The following TENM1 variants were observed in gnomAD, a reference collection of about 807,000 sequenced individuals.
TENM1 encodes teneurin-1.
TENM1 carries 35 observed loss-of-function variants against 174.8 expected under a neutral mutation model. The ratio of observed to expected loss-of-function variants is 0.20; its 90% CI spans 0.15 to 0.27. TENM1 has a LOEUF of 0.27. TENM1 is among the 10% of genes least tolerant of loss of function. TENM1 has a pLI of 1.00. For synonymous variants in TENM1, 781 were observed against 798.7 expected, an observed-to-expected ratio of 0.98 and a Z score of 0.37; for missense variants, 1,633 against 2,130.1, an observed-to-expected ratio of 0.77 and a Z score of 4.59.
intron 15 of TENM1, among the ~76,000 whole-genome samples, chrX:124,535,388 C>G (rs2048185699): frequency 9.0e-6 from 1 of 111,221 alleles, no homozygotes; most frequent in Non-Finnish European, 1.9e-5. Context: ...TGAAATCTGT[C>G]AGGCATGAAT....
At chrX:124,513,908 G>A (rs1333478417) in intron 18 of TENM1, among the ~76,000 whole-genome samples, 1 of 111,356 alleles carries the variant, frequency 9.0e-6, no homozygotes, top group Non-Finnish European at 1.9e-5. Context: ...TGGATCTTTT[G>A]GAAACATTAT....
Position 124,438,986 on chromosome X carries a change from T to C in TENM1, c.4104+14351A>G, listed in dbSNP as rs764542616. On this transcript the variant is annotated intron_variant, in intron 23 of 31. Transcript: ENST00000422452. ...TGTTAAATTTGGTTTTTTTTATATATATAATAGACTTAAGAAAACTGATAG... is the reference window on the plus strand; with the variant it reads ...TGTTAAATTTGGTTTTTTTTATATACATAATAGACTTAAGAAAACTGATAG... Among the ~76,000 whole-genome samples the C allele has an allele frequency of 7.9e-4, 88 of 111,987 alleles. 1 individual carries two copies. Among genetic ancestry groups the C allele is most frequent in the Non-Finnish European group, 6.8e-4 (36 of 53,220 alleles).
chrX:125,153,578 T>G, the TENM1 span, among the ~76,000 whole-genome samples: 1 of 112,441 alleles, frequency 8.9e-6, no homozygotes, highest in South Asian at 3.7e-4. Flanking sequence ...CATAAAGTAC[T>G]TCCTTACTGG....
At chrX:125,146,765 TC>T in the TENM1 span, among the ~76,000 whole-genome samples, 2 of 111,147 alleles carry the variant, frequency 1.8e-5, no homozygotes, top group African/African-American at 6.5e-5. Flanking sequence ...TGTTTTTGCC[TC>T]CCCAATGCCC....
At chrX:125,028,081 T>A in the TENM1 span, among the ~76,000 whole-genome samples, 1 of 111,840 alleles carries the variant, frequency 8.9e-6, no homozygotes, top group Non-Finnish European at 1.9e-5. Flanking sequence ...ATATTCATGC[T>A]CTTCGACCCA....
chrX:124,421,861 C>G (rs976044966), intron 24 of TENM1, among the ~76,000 whole-genome samples: 2 of 111,560 alleles, frequency 1.8e-5, no homozygotes, highest in African/African-American at 6.5e-5. Context: ...CTCAGCTAAA[C>G]CAGTAAATGT....
intron 1 of TENM1, among the ~76,000 whole-genome samples, chrX:124,925,929 G>T (rs1009222336): frequency 8.9e-6 from 1 of 112,217 alleles, no homozygotes; most frequent in Non-Finnish European, 1.9e-5. Context: ...GCTTCAGCTG[G>T]TTTCTGCCCT....
At chrX:124,539,633 AT>A (rs907686620) in intron 15 of TENM1, among the ~76,000 whole-genome samples, 4 of 108,405 alleles carry the variant, frequency 3.7e-5, no homozygotes, top group African/African-American at 6.7e-5. Context: ...GTTAATGGGG[AT>A]TTTTTTTTCA....
chrX:124,477,176 A>G (rs1421361430), intron 22 of TENM1, among the ~76,000 whole-genome samples: 2 of 106,451 alleles, frequency 1.9e-5, no homozygotes, highest in African/African-American at 7.8e-5. Context: ...GTGTCCCTTA[A>G]GGAAAATTTG....
At chrX:125,013,407 A>G in the TENM1 span, among the ~76,000 whole-genome samples, 1 of 111,960 alleles carries the variant, frequency 8.9e-6, no homozygotes, top group Non-Finnish European at 1.9e-5. Flanking sequence ...CTTAGTATTT[A>G]ATTTTAATAG....
At chrX:124,405,485 G>A (rs1386007038) in intron 26 of TENM1, among the ~76,000 whole-genome samples, 1 of 111,492 alleles carries the variant, frequency 9.0e-6, no homozygotes, top group Non-Finnish European at 1.9e-5. Context: ...CTGTTTCTTG[G>A]ATAAAAGACT....
chrX:124,906,281 AT>A (rs1221039389), intron 1 of TENM1, among the ~76,000 whole-genome samples: 1 of 111,858 alleles, frequency 8.9e-6, no homozygotes, highest in African/African-American at 3.2e-5. Flanking sequence ...TACTCAAAGT[AT>A]TTTTTCTGCT....
intron 4 of TENM1, among the ~76,000 whole-genome samples, chrX:124,718,043 C>G (rs1219696314): frequency 8.9e-6 from 1 of 112,463 alleles, no homozygotes; most frequent in Non-Finnish European, 1.9e-5. Context: ...CTACAATGCC[C>G]TCTATACTTC....
intron 5 of TENM1, among the ~76,000 whole-genome samples, chrX:124,693,087 G>T (rs1426960037): frequency 4.6e-5 from 5 of 107,661 alleles, no homozygotes; most frequent in Middle Eastern, 4.8e-3. Flanking sequence ...CTGTTGTCAA[G>T]ATGTCTAATT....
intron 3 of TENM1, among the ~76,000 whole-genome samples, chrX:124,780,105 A>T (rs2054874830): frequency 8.9e-6 from 1 of 112,078 alleles, no homozygotes; most frequent in Non-Finnish European, 1.9e-5. Flanking sequence ...TCTAAATTAC[A>T]ATATACTTAT....
the TENM1 span, among the ~76,000 whole-genome samples, chrX:124,992,479 C>T: frequency 1.8e-5 from 2 of 111,620 alleles, no homozygotes; most frequent in Non-Finnish European, 3.8e-5. Context: ...AACTAGAACC[C>T]CTGTTCTCCA....
the TENM1 span, among the ~76,000 whole-genome samples, chrX:125,085,201 C>T: frequency 9.1e-6 from 1 of 110,352 alleles, no homozygotes; most frequent in Non-Finnish European, 1.9e-5. Flanking sequence ...AAAAATGTTA[C>T]CTACACAAAT....
At chrX:124,635,159 A>G (rs112314994) in intron 11 of TENM1, among the ~76,000 whole-genome samples, 240 of 111,743 alleles carry the variant, frequency 2.1e-3, no homozygotes, top group African/African-American at 7.5e-3. Flanking sequence ...CATAGATCTC[A>G]GTGTTGGAAA....
chrX:124,735,099 C>A (rs923108020), intron 4 of TENM1, among the ~76,000 whole-genome samples: 3 of 112,162 alleles, frequency 2.7e-5, no homozygotes, highest in Non-Finnish European at 5.6e-5. Context: ...ACAAATTTGG[C>A]TTAATTAAGC....
Sources: allele counts gnomAD v4.1 joint callset (sites outside exome capture counted in the v4.1 genomes callset), GRCh38; gene constraint gnomAD v4.1.1; transcripts MANE v1.5; gene names NCBI Gene and HGNC (gene_info 2026-07-23, HGNC 2026-07-21).